The following MAD1L1 variants were observed in gnomAD, a reference collection of about 807,000 sequenced individuals.
MAD1L1 encodes the protein mitotic spindle assembly checkpoint protein MAD1.
MAD1L1 carries 95 observed loss-of-function variants against 96.9 expected under a neutral mutation model. That is an observed-to-expected ratio of 0.98 (90% CI 0.83 to 1.16). MAD1L1 has a LOEUF of 1.16. Among genes scored for constraint, MAD1L1 ranks in the 50% most tolerant of loss-of-function variants. The pLI is 0.00. For missense variants in MAD1L1, 1,007 were observed against 954.4 expected (o/e 1.06, Z -0.73); for synonymous variants, 473 against 396.6 (o/e 1.19, Z -2.29).
At position 2,005,987 on chromosome 7, in the gene MAD1L1, G is replaced by C. The variant is rs549166668; in HGVS notation, c.1360-3866C>G. 3.7e-3 allele frequency among the ~76,000 whole-genome samples: 569 copies of C among 152,214 alleles called. 4 individuals are homozygous for C. Among genetic ancestry groups the C allele is most frequent in the Non-Finnish European group, 6.7e-3 (457 of 68,014 alleles). ...GCACGCAGAGGGGCCGGAATTCCAG[G>C]AGTGTGAAATGGAGAGCACGCTCCA... is the stretch of plus-strand genomic sequence containing the variant. On this transcript the variant is annotated intron_variant, in intron 13 of 18. Transcript: ENST00000265854.
chr7:1,842,604 C>G (rs1783334654), intron 18 of MAD1L1, among the ~76,000 whole-genome samples: 1 of 152,278 alleles, frequency 6.6e-6, no homozygotes, highest in Admixed American at 6.5e-5. Context: ...CGGCGAGGGA[C>G]AGACAGCTAT....
chr7:2,113,217 G>A (rs1787474880), intron 11 of MAD1L1, among the ~76,000 whole-genome samples: 1 of 152,216 alleles, frequency 6.6e-6, no homozygotes, highest in East Asian at 1.9e-4. Context: ...AAACCGCCCT[G>A]GGGCCATGGT....
rs146965895 is a variant in MAD1L1, at chr7:1,897,091, C to T, written c.1998+1109G>A. On this transcript the variant is annotated intron_variant, in intron 18 of 18. Coordinates refer to ENST00000265854, the MANE Select transcript of MAD1L1 (RefSeq NM_001013836.2). The stretch of plus-strand genomic sequence containing the variant: ...ATCCACAAGGAACGCAGAGCAAGCC[C>T]GGCACGGTGCCCCCGTGCAGCGCAG... Among the ~76,000 whole-genome samples, 6 of 152,314 alleles carry T rather than the reference C, an allele frequency of 3.9e-5. No homozygotes were observed. The East Asian group carries it at 9.6e-4, about 24-fold the overall frequency.
At chr7:1,965,186 C>T (rs1780111399) in intron 15 of MAD1L1, among the ~76,000 whole-genome samples, 2 of 152,184 alleles carry the variant, frequency 1.3e-5, no homozygotes, top group Non-Finnish European at 2.9e-5. Context: ...GAGTGGGGTA[C>T]GTAGGACCCC....
At chr7:1,948,318 C>T (rs1779327552) in intron 16 of MAD1L1, among the ~76,000 whole-genome samples, 1 of 152,072 alleles carries the variant, frequency 6.6e-6, no homozygotes, top group Admixed American at 6.5e-5. Context: ...CCCCCATGAA[C>T]CCCCTCCACC....
intron 12 of MAD1L1, among the ~76,000 whole-genome samples, chr7:2,034,351 G>C (rs563548074): frequency 4.0e-5 from 6 of 151,876 alleles, no homozygotes; most frequent in Non-Finnish European, 5.9e-5. Context: ...TGAGTAGGTG[G>C]GACTACAGGC....
At chr7:2,080,710 A>G (rs1174094101) in intron 11 of MAD1L1, among the ~76,000 whole-genome samples, 3 of 152,200 alleles carry the variant, frequency 2.0e-5, no homozygotes, top group Non-Finnish European at 2.9e-5. Flanking sequence ...TGTCGGCTGC[A>G]CAGGGCCGTG....
intron 11 of MAD1L1, among the ~76,000 whole-genome samples, 185 bp from the exon 12 acceptor site, chr7:2,069,523 A>C (rs1785028605): frequency 6.6e-6 from 1 of 152,138 alleles, no homozygotes; most frequent in South Asian, 2.1e-4. Context: ...TCTGGATTTC[A>C]AATAGACTCC....
intron 11 of MAD1L1, among the ~76,000 whole-genome samples, chr7:2,087,264 G>T (rs976483807): frequency 6.6e-6 from 1 of 152,202 alleles, no homozygotes; most frequent in Non-Finnish European, 1.5e-5. Flanking sequence ...AATGGACCAG[G>T]CATGGTGGTT....
intron 18 of MAD1L1, among the ~76,000 whole-genome samples, chr7:1,833,240 C>G (rs1782794046): frequency 6.6e-6 from 1 of 152,182 alleles, no homozygotes; most frequent in African/African-American, 2.4e-5. Flanking sequence ...TTGGTTTAAT[C>G]ACAGTGATCT....
chr7:2,067,471 C>T (rs921358614), intron 12 of MAD1L1, among the ~76,000 whole-genome samples: 8 of 152,168 alleles, frequency 5.3e-5, no homozygotes, highest in Non-Finnish European at 1.0e-4. Context: ...TCATCACGCA[C>T]CCAAAGATCA....
At chr7:2,071,640 G>T (rs916980858) in intron 11 of MAD1L1, among the ~76,000 whole-genome samples, 2 of 152,174 alleles carry the variant, frequency 1.3e-5, no homozygotes, top group Non-Finnish European at 2.9e-5. Flanking sequence ...TGGGGAAGGA[G>T]AGGGGCTGAA....
intron 4 of MAD1L1, 147 bp from the exon 5 acceptor site, chr7:2,222,901 A>T: frequency 1.6e-6 from 1 of 631,026 alleles, no homozygotes; most frequent in Non-Finnish European, 2.6e-6. Flanking sequence ...CAGAACCAGG[A>T]CGGGACCTGG....
intron 18 of MAD1L1, among the ~76,000 whole-genome samples, chr7:1,897,628 G>A (rs942240157): frequency 6.6e-6 from 1 of 152,228 alleles, no homozygotes; most frequent in African/African-American, 2.4e-5. Flanking sequence ...CTCGCCCGAG[G>A]ACTCTTCATG....
At chr7:1,987,660 G>A (rs896496521) in intron 14 of MAD1L1, among the ~76,000 whole-genome samples, 3 of 152,186 alleles carry the variant, frequency 2.0e-5, no homozygotes, top group Admixed American at 6.5e-5. Context: ...CCCAGCCGCC[G>A]GGCCCGCACG....
chr7:2,071,080 T>C (rs536124440), intron 11 of MAD1L1, among the ~76,000 whole-genome samples: 2 of 149,368 alleles, frequency 1.3e-5, no homozygotes, highest in East Asian at 2.0e-4. Flanking sequence ...TGGTGGATGG[T>C]GCTTTCTTGG....
chr7:2,048,143 CTG>C (rs907320598), intron 12 of MAD1L1, among the ~76,000 whole-genome samples: 4 of 152,240 alleles, frequency 2.6e-5, no homozygotes, highest in African/African-American at 7.2e-5. Context: ...TGCATGCACA[CTG>C]AGCACCGACA....
intron 17 of MAD1L1, among the ~76,000 whole-genome samples, chr7:1,922,142 C>A (rs1788829989): frequency 6.6e-6 from 1 of 152,220 alleles, no homozygotes; most frequent in African/African-American, 2.4e-5. Flanking sequence ...TGCAGGCGGG[C>A]TGAGGTCGGA....
At chr7:2,172,892 C>T (rs183703700) in intron 10 of MAD1L1, among the ~76,000 whole-genome samples, 263 of 152,378 alleles carry the variant, frequency 1.7e-3, no homozygotes, top group Non-Finnish European at 2.3e-3. Flanking sequence ...GGAGCGTGCA[C>T]ACCGCGGTCT....
Sources: gnomAD v4.1 joint callset for allele counts (sites outside exome capture counted in the v4.1 genomes callset) on GRCh38, gnomAD v4.1.1 for gene constraint, MANE v1.5 for transcripts, NCBI Gene and HGNC (gene_info 2026-07-23, HGNC 2026-07-21) for gene names.